Variants in MYCBP2 observed in about 807,000 individuals in gnomAD.
The protein encoded by MYCBP2 is E3 ubiquitin-protein ligase MYCBP2.
A neutral mutation model predicts 525.3 loss-of-function variants in MYCBP2; 120 were observed. The observed-to-expected ratio is 0.23, with a 90% CI of 0.20 to 0.27. The LOEUF (loss-of-function observed/expected upper bound fraction) is 0.27. MYCBP2 is among the 10% of genes least tolerant of loss of function. The pLI, the probability that MYCBP2 is intolerant of heterozygous loss-of-function variation, is 1.00. For missense variants in MYCBP2, 4,149 were observed against 5,657.1 expected (o/e 0.73, Z 8.55); for synonymous variants, 1,894 against 1,955.8 (o/e 0.97, Z 0.83).
At chr13:77,127,527 T>A (rs192072483) in intron 52 of MYCBP2, among the ~76,000 whole-genome samples, 3 of 152,072 alleles carry the variant, frequency 2.0e-5, no homozygotes, top group African/African-American at 7.2e-5. Flanking sequence ...TAATATGAAC[T>A]CTATAATTTA....
intron 55 of MYCBP2, among the ~76,000 whole-genome samples, chr13:77,107,089 C>T (rs1182503800): frequency 1.3e-5 from 2 of 152,016 alleles, no homozygotes; most frequent in East Asian, 3.9e-4. Flanking sequence ...AAGATTTTGC[C>T]ACATTTATGG....
intron 17 of MYCBP2, among the ~76,000 whole-genome samples, chr13:77,240,033 T>G (rs2068572365): frequency 6.6e-6 from 1 of 152,190 alleles, no homozygotes; most frequent in Non-Finnish European, 1.5e-5. Context: ...ATTGTTAATA[T>G]TTTGGTATTT....
intron 1 of MYCBP2, among the ~76,000 whole-genome samples, chr13:77,302,785 AT>A (rs1266413366): frequency 6.6e-6 from 1 of 152,220 alleles, no homozygotes; most frequent in Non-Finnish European, 1.5e-5. Flanking sequence ...TGACAAAGTA[AT>A]TTTTAAGGCA....
intron 82 of MYCBP2, 47 bp from the exon 83 acceptor site, chr13:77,045,540 C>T (rs1179504060): frequency 8.4e-7 from 1 of 1,193,508 alleles, no homozygotes; most frequent in Non-Finnish European, 1.2e-6. Context: ...TTTAAGAATA[C>T]ACACATATAA....
chr13:77,046,186 T>G (rs958015269), intron 82 of MYCBP2, among the ~76,000 whole-genome samples: 3 of 152,194 alleles, frequency 2.0e-5, no homozygotes, highest in Non-Finnish European at 4.4e-5. Context: ...AAAAGAAAAT[T>G]ATTATATTAA....
intron 62 of MYCBP2, among the ~76,000 whole-genome samples, chr13:77,084,135 A>G (rs993729442): frequency 2.0e-5 from 3 of 152,190 alleles, no homozygotes; most frequent in South Asian, 2.1e-4. Flanking sequence ...ACATTCTGCA[A>G]TGAATCAACT....
chr13:77,314,726 C>A (rs533213504), intron 1 of MYCBP2, among the ~76,000 whole-genome samples: 9 of 152,028 alleles, frequency 5.9e-5, no homozygotes, highest in Non-Finnish European at 1.2e-4. Context: ...AAATGTATAA[C>A]CCCAAGAGTG....
rs71102740 is a variant in MYCBP2, at chr13:77,317,938, A to AAACATAACATAACAT, written c.302+8521_302+8535dup. On this transcript the variant is annotated intron_variant, in intron 1 of 82. Transcript: ENST00000544440. ...GGCAACAGAGCAAGACTCCGTCTCA[A>AAACATAACATAACAT]AACATAACATAACATAACATAACAT... Among the ~76,000 whole-genome samples the AAACATAACATAACAT allele has an allele frequency of 4.5e-3, 595 of 132,058 alleles. 5 individuals are homozygous for AAACATAACATAACAT. Among genetic ancestry groups the AAACATAACATAACAT allele is most frequent in the East Asian group, 0.01 (44 of 4,292 alleles). The allele number at this position is 132,058 out of a possible 152,430, so 86.6% of individuals were successfully genotyped here. A position where few individuals can be genotyped will look rare whatever the true frequency, so the allele number is the denominator to read the frequency against.
intron 76 of MYCBP2, 134 bp from the exon 77 acceptor site, chr13:77,059,760 C>T (rs1047696229): frequency 7.1e-5 from 43 of 606,632 alleles, no homozygotes; most frequent in Non-Finnish European, 9.4e-5. Flanking sequence ...AGTTTTAGAA[C>T]GGAAGGTTTC....
At chr13:77,173,485 C>T (rs956148777) in intron 37 of MYCBP2, among the ~76,000 whole-genome samples, 7 of 152,166 alleles carry the variant, frequency 4.6e-5, no homozygotes, top group African/African-American at 1.2e-4. Flanking sequence ...CTATTTGCTG[C>T]CTGCTATTTC....
chr13:77,131,523 C>CAT (rs2052833257), intron 52 of MYCBP2, among the ~76,000 whole-genome samples: 1 of 142,248 alleles, frequency 7.0e-6, no homozygotes, highest in South Asian at 2.2e-4. Flanking sequence ...AACAAACACA[C>CAT]ACACACACAC....
At chr13:77,257,642 A>C (rs1353958972) in intron 14 of MYCBP2, 29 bp downstream of exon 14, 29 of 1,508,064 alleles carry the variant, frequency 1.9e-5, no homozygotes, top group Non-Finnish European at 2.5e-5. Context: ...GACAACACAA[A>C]TTTTAATATC....
At chr13:77,267,122 C>T (rs931718208) in intron 8 of MYCBP2, among the ~76,000 whole-genome samples, 2 of 151,800 alleles carry the variant, frequency 1.3e-5, no homozygotes, top group African/African-American at 4.8e-5. Flanking sequence ...ATATAAACAG[C>T]CTCAGAAAGT....
intron 80 of MYCBP2, among the ~76,000 whole-genome samples, chr13:77,054,691 C>G (rs1031614493): frequency 6.6e-6 from 1 of 151,886 alleles, no homozygotes; most frequent in African/African-American, 2.4e-5. Flanking sequence ...GCCTCAACCC[C>G]CTGGACTCAA....
intron 46 of MYCBP2, among the ~76,000 whole-genome samples, chr13:77,152,393 A>C (rs2056597006): frequency 6.6e-6 from 1 of 152,338 alleles, no homozygotes; most frequent in South Asian, 2.1e-4. Flanking sequence ...AAATCTGAAG[A>C]TGATACAGAC....
intron 3 of MYCBP2, among the ~76,000 whole-genome samples, chr13:77,280,746 T>C (rs1028329235): frequency 1.3e-5 from 2 of 152,186 alleles, no homozygotes; most frequent in African/African-American, 2.4e-5. Flanking sequence ...GTGGGCTGCC[T>C]AGAAACAGAG....
chr13:77,188,572 T>C (rs1174687468), intron 30 of MYCBP2, among the ~76,000 whole-genome samples: 2 of 152,252 alleles, frequency 1.3e-5, no homozygotes, highest in Non-Finnish European at 2.9e-5. Context: ...CCTAGTTAGA[T>C]ATGCAACTCT....
intron 2 of MYCBP2, among the ~76,000 whole-genome samples, chr13:77,292,641 TAGGG>T (rs2077603735): frequency 2.6e-5 from 4 of 151,754 alleles, no homozygotes; most frequent in African/African-American, 9.7e-5. Context: ...GCCAGGGTTA[TAGGG>T]AGGGATGGAA....
intron 1 of MYCBP2, among the ~76,000 whole-genome samples, chr13:77,297,475 G>T (rs779547011): frequency 3.8e-4 from 58 of 152,132 alleles, no homozygotes; most frequent in Non-Finnish European, 7.4e-4. Flanking sequence ...GGGGAAGAGG[G>T]AATGCAGGGA....
Sources: allele counts gnomAD v4.1 joint callset (sites outside exome capture counted in the v4.1 genomes callset), GRCh38; gene constraint gnomAD v4.1.1; transcripts MANE v1.5; gene names NCBI Gene and HGNC (gene_info 2026-07-23, HGNC 2026-07-21).